NLGN4X: variants seen among roughly 807,000 people sequenced by gnomAD.
NLGN4X encodes the protein neuroligin-4, X-linked.
Under a neutral mutation model 40.3 loss-of-function variants are expected in NLGN4X, and 3 were observed. The observed-to-expected ratio is 0.07, with a 90% CI of 0.03 to 0.19. The LOEUF (loss-of-function observed/expected upper bound fraction) is 0.19, where lower values mean the gene tolerates loss of function less well. NLGN4X is among the 10% of genes least tolerant of loss of function. The probability of loss-of-function intolerance (pLI) is 1.00; values close to 1 mark genes in which losing one functional copy is unlikely to be tolerated. For missense variants in NLGN4X, 382 were observed against 708.3 expected (o/e 0.54, Z 5.23); for synonymous variants, 270 against 306.8 (o/e 0.88, Z 1.25).
intron 2 of NLGN4X, among the ~76,000 whole-genome samples, chrX:6,146,976 A>T (rs1394429939): frequency 9.0e-6 from 1 of 110,625 alleles, no homozygotes; most frequent in Non-Finnish European, 1.9e-5. Context: ...ATTTGTAGTA[A>T]AGACGGGGTT....
At chrX:5,896,209 G>A (rs2031484480) in intron 5 of NLGN4X, among the ~76,000 whole-genome samples, 1 of 111,742 alleles carries the variant, frequency 8.9e-6, no homozygotes, top group African/African-American at 3.3e-5. Flanking sequence ...TATTTGAAAG[G>A]TAAAGAAAAC....
At chrX:6,159,627 C>T (rs1455095943) in intron 1 of NLGN4X, among the ~76,000 whole-genome samples, 2 of 111,925 alleles carry the variant, frequency 1.8e-5, no homozygotes, top group Non-Finnish European at 3.8e-5. Context: ...ATGGTAAGCA[C>T]AGTCATGGAA....
intron 1 of NLGN4X, among the ~76,000 whole-genome samples, chrX:6,219,571 T>TCTTC (rs1355228099): frequency 1.5e-4 from 11 of 75,141 alleles, no homozygotes; most frequent in East Asian, 3.7e-4. Context: ...TTTCTTTCTT[T>TCTTC]CTTCCTTCCT....
At chrX:6,106,724 T>A (rs760405043) in intron 2 of NLGN4X, among the ~76,000 whole-genome samples, 1 of 112,286 alleles carries the variant, frequency 8.9e-6, no homozygotes. Flanking sequence ...CATTTCTTTA[T>A]AGCATGGAAT....
At chrX:6,082,029 A>G (rs987458494) in intron 2 of NLGN4X, among the ~76,000 whole-genome samples, 10 of 112,367 alleles carry the variant, frequency 8.9e-5, no homozygotes, top group East Asian at 8.4e-4. Flanking sequence ...CTCAACACTT[A>G]AAACACATGC....
In NLGN4X at chrX:6,031,668, T is replaced by TA. The variant is rs1207302361; in HGVS notation, c.473-2237dup. ...AGACCCAAAGGTCCAGCCAGGACCT[T>TA]AATGGAGTTCCATGCATTTTGCTAC... On this transcript the variant is annotated intron_variant, in intron 2 of 5. Coordinates refer to ENST00000381095, the MANE Select transcript of NLGN4X (RefSeq NM_181332.3). Among the ~76,000 whole-genome samples the TA allele has an allele frequency of 9.0e-5, 10 of 110,931 alleles. 1 individual carries two copies. The highest frequency in any genetic ancestry group is 1.9e-4 in the Non-Finnish European group (10 of 52,931).
At chrX:5,925,877 C>CAT (rs1351044409) in intron 3 of NLGN4X, among the ~76,000 whole-genome samples, 1,091 of 10,867 alleles carry the variant, frequency 0.1, 50 homozygotes, top group African/African-American at 0.14. Flanking sequence ...TATATACATA[C>CAT]ACACATATAT....
chrX:6,028,662 G>GAAAA (rs61696018), intron 3 of NLGN4X, among the ~76,000 whole-genome samples: 2 of 70,891 alleles, frequency 2.8e-5, no homozygotes, highest in Admixed American at 1.6e-4. Context: ...CCATCTCAAA[G>GAAAA]AAAAAAAAAA....
At chrX:6,214,722 C>CATAGTG (rs1924913727) in intron 1 of NLGN4X, among the ~76,000 whole-genome samples, 1 of 111,106 alleles carries the variant, frequency 9.0e-6, no homozygotes, top group Non-Finnish European at 1.9e-5. Context: ...TAGTGAGACC[C>CATAGTG]CGTCTCTTAA....
intron 3 of NLGN4X, among the ~76,000 whole-genome samples, chrX:5,993,197 C>T (rs750008541): frequency 2.7e-5 from 3 of 110,907 alleles, no homozygotes; most frequent in Non-Finnish European, 5.7e-5. Context: ...GACTTATATC[C>T]ATTAGATGCC....
In NLGN4X at chrX:6,062,589, G is replaced by A. The variant is rs777598326; in HGVS notation, c.473-33157C>T. On this transcript the variant is annotated intron_variant, in intron 2 of 5. Transcript: ENST00000381095. The stretch of plus-strand genomic sequence containing the variant: ...TCTTACTGCTTGATATGGTTTGGCT[G>A]TGTCCCCACCCAAATCTCATCTTAA... 2.7e-5 allele frequency among the ~76,000 whole-genome samples: 3 copies of A among 111,207 alleles called. No individual in the cohort carries two copies. In the East Asian group the frequency reaches 8.6e-4, roughly 32 times the overall value.
rs140833284 is a variant in NLGN4X, at chrX:6,057,088, G to A, written c.473-27656C>T. Among the ~76,000 whole-genome samples the A allele has an allele frequency of 3.4e-4, 38 of 111,984 alleles. No individual in the cohort carries two copies. In the East Asian group the frequency reaches 0.01, roughly 31 times the overall value. ...GCATGAAAGAGGTACGTTGTCAATG[G>A]TGCCAATTTGAAACCTCAATGTGGC... On this transcript the variant is annotated intron_variant, in intron 2 of 5. Coordinates refer to ENST00000381095, the MANE Select transcript of NLGN4X (RefSeq NM_181332.3).
chrX:5,891,284 G>C lies in NLGN4X; in HGVS notation c.*1533C>G, dbSNP rs1439443285. On this transcript the variant is annotated 3_prime_UTR_variant, in exon 6 of 6. Coordinates refer to ENST00000381095, the MANE Select transcript of NLGN4X (RefSeq NM_181332.3). ...TTTCCCAGAAAACCCATGCAAAGCA[G>C]TTTTAATATTCTATCCTTTCTTCCC... The C allele has an allele frequency of 4.3e-6, 1 of 233,615 alleles. No individual in the cohort carries two copies. The highest frequency in any genetic ancestry group is 7.7e-6 in the Non-Finnish European group (1 of 129,663). 19.3% of individuals were successfully genotyped at this position (233,615 alleles called of 1,213,427 possible). A position where few individuals can be genotyped will look rare whatever the true frequency, so the allele number is the denominator to read the frequency against.
chrX:6,044,021 A>C (rs1164663411), intron 2 of NLGN4X, among the ~76,000 whole-genome samples: 1 of 110,730 alleles, frequency 9.0e-6, no homozygotes, highest in Non-Finnish European at 1.9e-5. Flanking sequence ...TAATTCCAGC[A>C]CTCTGAGAGG....
intron 1 of NLGN4X, among the ~76,000 whole-genome samples, chrX:6,216,662 G>A (rs4523412): frequency 0.15 from 16,361 of 106,315 alleles, 1,086 homozygotes; most frequent in African/African-American, 0.27. Context: ...TCCTCTGTTT[G>A]GTTTTTGTTT....
intron 3 of NLGN4X, among the ~76,000 whole-genome samples, chrX:5,993,238 C>T (rs1248718156): frequency 9.0e-6 from 1 of 111,157 alleles, no homozygotes; most frequent in African/African-American, 3.3e-5. Flanking sequence ...GCTGTAACAA[C>T]CCGAAGTATG....
At chrX:6,188,464 T>G (rs1014406291) in intron 1 of NLGN4X, among the ~76,000 whole-genome samples, 15 of 111,716 alleles carry the variant, frequency 1.3e-4, no homozygotes, top group Non-Finnish European at 2.8e-4. Context: ...CCCCATTGTC[T>G]GCCTTTGAAA....
At chrX:6,102,677 C>CAT (rs1224051562) in intron 2 of NLGN4X, among the ~76,000 whole-genome samples, 142 of 64,668 alleles carry the variant, frequency 2.2e-3, no homozygotes, top group African/African-American at 9.0e-3. Flanking sequence ...CATACATAGA[C>CAT]AGATAGATAC....
chrX:5,933,682 A>C (rs2033635849), intron 3 of NLGN4X, among the ~76,000 whole-genome samples: 1 of 111,849 alleles, frequency 8.9e-6, no homozygotes, highest in African/African-American at 3.2e-5. Context: ...GTTTTCAAAA[A>C]CAAAATGTAC....
Sources: gnomAD v4.1 joint callset for allele counts (sites outside exome capture counted in the v4.1 genomes callset) on GRCh38, gnomAD v4.1.1 for gene constraint, MANE v1.5 for transcripts, NCBI Gene and HGNC (gene_info 2026-07-23, HGNC 2026-07-21) for gene names.